The following TMEM255B variants were observed in gnomAD, a reference collection of about 807,000 sequenced individuals.
The protein encoded by TMEM255B is family with sequence similarity 70, member B.
TMEM255B carries 35 observed loss-of-function variants against 34.5 expected under a neutral mutation model. The ratio of observed to expected loss-of-function variants is 1.01; its 90% CI spans 0.77 to 1.34. TMEM255B has a LOEUF of 1.34. TMEM255B is among the 40% of genes most tolerant of loss of function. The pLI, the probability that TMEM255B is intolerant of heterozygous loss-of-function variation, is 0.00. For missense variants in TMEM255B, 432 were observed against 433.2 expected, an observed-to-expected ratio of 1.00 and a Z score of 0.02; for synonymous variants, 206 against 201.2, an observed-to-expected ratio of 1.02 and a Z score of -0.20.
chr13:113,801,228 G>C (rs2051053578), intron 6 of TMEM255B, among the ~76,000 whole-genome samples: 1 of 152,208 alleles, frequency 6.6e-6, no homozygotes, highest in African/African-American at 2.4e-5. Flanking sequence ...ATCTGCCCAA[G>C]AGGACACAGC....
intron 3 of TMEM255B, among the ~76,000 whole-genome samples, chr13:113,781,492 A>G (rs554723113): frequency 1.3e-5 from 2 of 152,338 alleles, no homozygotes; most frequent in Admixed American, 6.5e-5. Flanking sequence ...TGTTTCTTCA[A>G]TAGTCTTAAA....
intron 1 of TMEM255B, among the ~76,000 whole-genome samples, chr13:113,763,830 C>T (rs756657521): frequency 3.1e-4 from 47 of 152,322 alleles, no homozygotes; most frequent in Admixed American, 6.5e-4. Context: ...TCCAGTCCAA[C>T]GAGGGTTGGC....
In TMEM255B at chr13:113,805,026, C is replaced by A; in HGVS notation, c.811C>A (p.Gln271Lys). ...PTCSSYPLPL[Q>K]PCSRFPVAPS... ...CTGCTCGTCCTACCCTCTGCCCCTTCAGGTAGGGCCAGCATCACCTGCTGG... is the reference window on the plus strand; with the variant it reads ...CTGCTCGTCCTACCCTCTGCCCCTTAAGGTAGGGCCAGCATCACCTGCTGG... The change falls in exon 8 of 9, where the codon CAG becomes AAG. Residue 271 changes from glutamine (Q) to lysine (K), a missense_variant and splice_region_variant. Gln to Lys is a moderately conservative substitution (Grantham distance 53, BLOSUM62 1). Coordinates refer to ENST00000375353, the MANE Select transcript of TMEM255B (RefSeq NM_182614.4). 1 of 1,597,070 alleles carries A rather than the reference C, an allele frequency of 6.3e-7. No individual in the cohort carries two copies. The highest frequency in any genetic ancestry group is 8.5e-7 in the Non-Finnish European group (1 of 1,174,290).
At chr13:113,802,327 C>T (rs541574935) in intron 7 of TMEM255B, among the ~76,000 whole-genome samples, 15 of 152,338 alleles carry the variant, frequency 9.8e-5, no homozygotes, top group South Asian at 2.1e-4. Context: ...ATCACTGGCC[C>T]GGGCCGGATG....
Position 113,794,691 on chromosome 13 carries a change from TTAAC to T in TMEM255B, c.253-452_253-449del, listed in dbSNP as rs879702456. On this transcript the variant is annotated intron_variant, in intron 3 of 8. Transcript: ENST00000375353. ...TTAACTATCCATCAGAGTGCACTGG[TTAAC>T]TAACGCACTATAAACCATTCCTGGC... Among the ~76,000 whole-genome samples the T allele has an allele frequency of 4.4e-4, 67 of 152,324 alleles. No individual in the cohort carries two copies. In the Middle Eastern group the frequency reaches 0.014, roughly 31 times the overall value.
chr13:113,762,585 G>A (rs2050326352), intron 1 of TMEM255B, among the ~76,000 whole-genome samples: 1 of 152,194 alleles, frequency 6.6e-6, no homozygotes, highest in South Asian at 2.1e-4. Flanking sequence ...GATTTACGTG[G>A]TTTCAGAGGA....
chr13:113,792,402 C>T (rs140431680), intron 3 of TMEM255B, among the ~76,000 whole-genome samples: 6 of 152,378 alleles, frequency 3.9e-5, no homozygotes, highest in African/African-American at 1.4e-4. Context: ...CCCTGCACAT[C>T]GTGGCCTCTG....
At chr13:113,776,249 C>T (rs936358514) in intron 3 of TMEM255B, among the ~76,000 whole-genome samples, 8 of 152,248 alleles carry the variant, frequency 5.3e-5, no homozygotes, top group African/African-American at 1.9e-4. Context: ...GGGGGCCGCC[C>T]GCCCTGCCTT....
rs1178770873 is a variant in TMEM255B, at chr13:113,774,709, T to G, written c.252+5549T>G. Among the ~76,000 whole-genome samples the G allele has an allele frequency of 4.9e-5, 5 of 102,770 alleles. No individual in the cohort carries two copies. The East Asian group carries it at 9.3e-4, about 19-fold the overall frequency. 67.4% of individuals were successfully genotyped at this position (102,770 alleles called of 152,430 possible). A position where few individuals can be genotyped will look rare whatever the true frequency, so the allele number is the denominator to read the frequency against. ...CACACATGACACACACACCACACAA[T>G]ACACACCACATACACTACACACACG... On this transcript the variant is annotated intron_variant, in intron 3 of 8. Coordinates refer to ENST00000375353, the MANE Select transcript of TMEM255B (RefSeq NM_182614.4).
intron 8 of TMEM255B, among the ~76,000 whole-genome samples, chr13:113,810,272 G>A (rs1413333141): frequency 6.6e-6 from 1 of 152,106 alleles, no homozygotes; most frequent in African/African-American, 2.4e-5. Flanking sequence ...CTCTTCCTGT[G>A]TTATTTCTTA....
intron 3 of TMEM255B, among the ~76,000 whole-genome samples, chr13:113,777,415 C>G (rs367884032): frequency 6.6e-6 from 1 of 152,156 alleles, no homozygotes; most frequent in Non-Finnish European, 1.5e-5. Context: ...AGTGCCTGCC[C>G]GTTCCCAGTA....
At chr13:113,804,832 C>A in intron 7 of TMEM255B, 53 bp from the exon 8 acceptor site, 1 of 1,511,544 alleles carries the variant, frequency 6.6e-7, no homozygotes, top group East Asian at 2.4e-5. Flanking sequence ...GCTGGACAGC[C>A]CTTCCCTCCA....
At chr13:113,795,372 A>T in intron 4 of TMEM255B, 135 bp downstream of exon 4, 5 of 878,654 alleles carry the variant, frequency 5.7e-6, no homozygotes, top group Non-Finnish European at 8.8e-6. Flanking sequence ...GTTGCCAGTG[A>T]CTGTCTCTCC....
At chr13:113,761,340 T>G (rs2050305387) in intron 1 of TMEM255B, 1 of 985,234 alleles carries the variant, frequency 1.0e-6, no homozygotes, top group Non-Finnish European at 1.2e-6. Context: ...GCCTCGCGTG[T>G]CTTCCAGGTA....
At chr13:113,759,507 C>T (rs1486662100) in intron 1 of TMEM255B, among the ~76,000 whole-genome samples, 192 bp downstream of exon 1, 1 of 152,248 alleles carries the variant, frequency 6.6e-6, no homozygotes, top group African/African-American at 2.4e-5. Context: ...GGCGTTCGTC[C>T]TACCGGTTCG....
chr13:113,799,416 A>C lies in TMEM255B; in HGVS notation c.420A>C (p.Thr140=). ...GGTACTTGTACGATGTCTACCAGAC[A>C]GAGGTGAGCAGGAGCACTGAGATTC... is the stretch of plus-strand genomic sequence containing the variant. ...GVGYLYDVYQ[T]EVTCHSLDGK... Residue 140 remains threonine, a synonymous_variant, in exon 5 of 9, where the codon ACA becomes ACC. Transcript: ENST00000375353. 6.2e-7 allele frequency: 1 copy of C among 1,613,904 alleles called. No individual in the cohort carries two copies. Among genetic ancestry groups the C allele is most frequent in the Non-Finnish European group, 8.5e-7 (1 of 1,179,786 alleles).
chr13:113,774,802 ATACAC>A (rs1367429410), intron 3 of TMEM255B, among the ~76,000 whole-genome samples: 5 of 148,166 alleles, frequency 3.4e-5, no homozygotes, highest in East Asian at 2.0e-4. Flanking sequence ...GCTCCACACA[ATACAC>A]TACACACACC....
In TMEM255B at chr13:113,812,996, CGGGTCCCGAGT is replaced by C. The variant is rs1283436022; in HGVS notation, c.*1099_*1109del. 2.2e-5 allele frequency: 3 copies of C among 139,310 alleles called. No individual in the cohort carries two copies. The highest frequency in any genetic ancestry group is 1.0e-4 in the African/African-American group (3 of 30,114). 8.6% of individuals were successfully genotyped at this position (139,310 alleles called of 1,614,324 possible). ...TGGGTCACGGGTCCCGGGTGGGTCACGGGTCCCGAGTGGGTCACGGGTCCCGGGTGGGTCAC... is the reference window on the plus strand; with the variant it reads ...TGGGTCACGGGTCCCGGGTGGGTCACGGGTCACGGGTCCCGGGTGGGTCAC... On this transcript the variant is annotated 3_prime_UTR_variant, in exon 9 of 9. Transcript: ENST00000375353.
chr13:113,799,768 AT>A lies in TMEM255B; in HGVS notation c.423+352del. ...TTTACAGTGTCCGAGAAACTTCTGG[AT>A]TTCCCTGAGCCACCGACAGCGGCAG... is the stretch of plus-strand genomic sequence containing the variant. On this transcript the variant is annotated intron_variant, in intron 5 of 8. Transcript: ENST00000375353. 3 of 682,742 alleles carry A rather than the reference AT, an allele frequency of 4.4e-6. No homozygotes were observed. The Admixed American group carries it at 6.2e-5, about 14-fold the overall frequency. The allele number at this position is 682,742 out of a possible 1,614,324, so 42.3% of individuals were successfully genotyped here. A position where few individuals can be genotyped will look rare whatever the true frequency, so the allele number is the denominator to read the frequency against.
Sources: gnomAD v4.1 joint callset for allele counts (sites outside exome capture counted in the v4.1 genomes callset) on GRCh38, gnomAD v4.1.1 for gene constraint, MANE v1.5 for transcripts, NCBI Gene and HGNC (gene_info 2026-07-23, HGNC 2026-07-21) for gene names.